MCM3AP: variants seen among roughly 807,000 people sequenced by gnomAD.
MCM3AP encodes minichromosome maintenance complex component 3 associated protein.
In MCM3AP, 126 loss-of-function variants were observed where a neutral mutation model predicts 184.1. The observed-to-expected ratio is 0.68, with a 90% confidence interval of 0.59 to 0.79. The LOEUF (loss-of-function observed/expected upper bound fraction) is 0.79. Ranked by LOEUF, MCM3AP falls within the 30% of genes least tolerant of loss-of-function variation. The pLI is 0.00. For synonymous variants in MCM3AP, 1,002 were observed against 979.3 expected (o/e 1.02, Z -0.43); for missense variants, 2,496 against 2,479.2 (o/e 1.01, Z -0.14).
intron 20 of MCM3AP, 58 bp downstream of exon 20, chr21:46,251,471 T>C: frequency 1.4e-6 from 2 of 1,431,502 alleles, no homozygotes; most frequent in Non-Finnish European, 9.7e-7. Context: ...CAGTGATATC[T>C]GGGAGTAAGT....
intron 19 of MCM3AP, chr21:46,253,880 T>G (rs1423376376): frequency 1.8e-5 from 3 of 167,134 alleles, no homozygotes; most frequent in African/African-American, 7.2e-5. Context: ...GCTGTTCTCA[T>G]TACAGTGAGC....
chr21:46,266,238 C>T lies in MCM3AP; in HGVS notation c.2790-72G>A, dbSNP rs2839182. On this transcript the variant is annotated intron_variant, in intron 10 of 27. Transcript: ENST00000291688. ...GACAGCTTCGCCCTCAGTGCCCTGC[C>T]GAGTACTGCAAGCCCCTTGGGTGTC... is the stretch of plus-strand genomic sequence containing the variant. 1,281,632 of 1,507,694 alleles carry T rather than the reference C, an allele frequency of 0.85. 550,606 individuals carry two copies. The highest frequency in any genetic ancestry group is 0.93 in the African/African-American group (67,917 of 72,692). 93.4% of individuals were successfully genotyped at this position (1,507,694 alleles called of 1,614,324 possible).
intron 9 of MCM3AP, among the ~76,000 whole-genome samples, chr21:46,269,772 C>T (rs571366788): frequency 1.3e-5 from 2 of 152,350 alleles, no homozygotes; most frequent in African/African-American, 4.8e-5. Flanking sequence ...CGGTGGGCCG[C>T]GGTCCTGGTC....
chr21:46,252,500 A>T (rs1296365346), intron 19 of MCM3AP: 1 of 151,644 alleles, frequency 6.6e-6, no homozygotes, highest in Non-Finnish European at 1.5e-5. Context: ...CAGCCTGGGC[A>T]ACATCACAAA....
rs1476034543 is a variant in MCM3AP, at chr21:46,266,012, T to G, written c.2944A>C (p.Ser982Arg). 1 of 1,610,072 alleles carries G rather than the reference T, an allele frequency of 6.2e-7. No homozygotes were observed. The highest frequency in any genetic ancestry group is 8.5e-7 in the Non-Finnish European group (1 of 1,178,078). ...ATGTACTTGTTCTGGGAGTTGAAGC[T>G]GCACACAGGGGTATGACGAGGGACG... ...PPVPRHTPVC[S>R]FNSQNKYIGE... Residue 982 changes from serine to arginine, a missense_variant, in exon 11 of 28, where the codon AGC becomes CGC. Coordinates refer to ENST00000291688, the MANE Select transcript of MCM3AP (RefSeq NM_003906.5).
Position 46,246,681 on chromosome 21 carries a change from AC to A in MCM3AP, c.4495del (p.Val1499TrpfsTer16). 1 of 1,614,196 alleles carries A rather than the reference AC, an allele frequency of 6.2e-7. No homozygotes were observed. The highest frequency in any genetic ancestry group is 8.5e-7 in the Non-Finnish European group (1 of 1,180,020). ...CCCTCCTGGGCTAGGCACAAGAACCACCAGAGGAAGCGCAGGCTGGAAGGGC... is the reference window on the plus strand; with the variant it reads ...CCCTCCTGGGCTAGGCACAAGAACCACAGAGGAAGCGCAGGCTGGAAGGGC... ...AKPFQPALPL[V>X]VLVPSPGGDA... On this transcript the variant is annotated frameshift_variant, in exon 21 of 28. Coordinates refer to ENST00000291688, the MANE Select transcript of MCM3AP (RefSeq NM_003906.5). LOFTEE classifies it high-confidence loss of function.
intron 13 of MCM3AP, among the ~76,000 whole-genome samples, chr21:46,261,846 T>C (rs1040809625): frequency 2.0e-5 from 3 of 151,864 alleles, no homozygotes; most frequent in Non-Finnish European, 4.4e-5. Flanking sequence ...TCCAAAATGC[T>C]CCAAAATCTC....
At chr21:46,239,226 C>T (rs1893110362) in intron 26 of MCM3AP, among the ~76,000 whole-genome samples, 1 of 152,182 alleles carries the variant, frequency 6.6e-6, no homozygotes, top group Non-Finnish European at 1.5e-5. Context: ...CAAAGTTTGC[C>T]TTTGATTGCA....
intron 6 of MCM3AP, among the ~76,000 whole-genome samples, 166 bp downstream of exon 6, chr21:46,275,015 AGGTAC>A (rs1297699541): frequency 1.3e-5 from 2 of 152,024 alleles, no homozygotes; most frequent in Non-Finnish European, 2.9e-5. Flanking sequence ...TATCATGTAT[AGGTAC>A]CAATTACAGA....
chr21:46,237,415 A>T (rs542978693), intron 26 of MCM3AP, among the ~76,000 whole-genome samples: 12 of 143,404 alleles, frequency 8.4e-5, no homozygotes, highest in South Asian at 4.4e-4. Flanking sequence ...TTTTATTATT[A>T]TTTTTTTTTG....
intron 27 of MCM3AP, 107 bp from the exon 28 acceptor site, chr21:46,235,533 G>A: frequency 1.1e-6 from 1 of 917,952 alleles, no homozygotes; most frequent in South Asian, 1.6e-5. Flanking sequence ...CATCTGAGTA[G>A]TCATTTATTT....
chr21:46,240,487 G>A (rs2080641458), intron 26 of MCM3AP, among the ~76,000 whole-genome samples: 1 of 152,194 alleles, frequency 6.6e-6, no homozygotes, highest in Non-Finnish European at 1.5e-5. Flanking sequence ...AGGGCAGGGT[G>A]CCTGTGGCCA....
chr21:46,244,919 C>T lies in MCM3AP; in HGVS notation c.4926G>A (p.Gly1642=). The T allele has an allele frequency of 6.2e-7, 1 of 1,614,200 alleles. No homozygotes were observed. The highest frequency in any genetic ancestry group is 8.5e-7 in the Non-Finnish European group (1 of 1,180,022). ...GCAGGTGAGGAAGCAGCCGGCTGCC[C>T]CCTGCCTCAGCAAACTCAGTGACAG... ...SWPVTEFAEA[G]GSRLLPHLHW... is the part of the protein sequence containing the mutation. The change falls in exon 23 of 28, where the codon GGG becomes GGA. Residue 1642 remains glycine, a synonymous_variant. Coordinates refer to ENST00000291688, the MANE Select transcript of MCM3AP (RefSeq NM_003906.5).
At chr21:46,248,741 G>C (rs2080819005) in intron 20 of MCM3AP, among the ~76,000 whole-genome samples, 1 of 152,016 alleles carries the variant, frequency 6.6e-6, no homozygotes, top group African/African-American at 2.4e-5. Flanking sequence ...AAAAAGTCAT[G>C]ATAAAAAGAA....
At chr21:46,283,423 A>G (rs965087683) in intron 2 of MCM3AP, among the ~76,000 whole-genome samples, 192 bp downstream of exon 2, 12 of 152,196 alleles carry the variant, frequency 7.9e-5, no homozygotes, top group African/African-American at 2.4e-4. Flanking sequence ...CTAGAGTACT[A>G]TATTCTGTAG....
chr21:46,264,010 G>A, intron 13 of MCM3AP, 107 bp downstream of exon 13: 1 of 656,526 alleles, frequency 1.5e-6, no homozygotes, highest in Non-Finnish European at 2.7e-6. Flanking sequence ...TAACTTATTG[G>A]ATTATGACTC....
chr21:46,251,096 A>C (rs2080860668), intron 20 of MCM3AP: 1 of 152,698 alleles, frequency 6.5e-6, no homozygotes, highest in Non-Finnish European at 1.5e-5. Context: ...TAACAGCAGC[A>C]GTAAACTAAT....
At chr21:46,264,321 G>A in intron 12 of MCM3AP, 104 bp from the exon 13 acceptor site, 1 of 686,318 alleles carries the variant, frequency 1.5e-6, no homozygotes, top group Non-Finnish European at 2.5e-6. Flanking sequence ...CGTGACAGAA[G>A]CACAACCCCT....
Position 46,256,973 on chromosome 21 carries a change from C to T in MCM3AP, c.3748G>A (p.Val1250Ile). 6.2e-7 allele frequency: 1 copy of T among 1,611,374 alleles called. No individual in the cohort carries two copies. Among genetic ancestry groups the T allele is most frequent in the Non-Finnish European group, 8.5e-7 (1 of 1,178,514 alleles). ...CKYLQRWREAVTARKKLRRQM... is the reference protein window; with the variant it reads ...CKYLQRWREAITARKKLRRQM... Reference sequence around the variant, plus strand: ...CGCCTCAGTTTCTTGCGGGCTGTGACAGCTTCCCTCCACCTGGGGACATGA... The same window carrying T: ...CGCCTCAGTTTCTTGCGGGCTGTGATAGCTTCCCTCCACCTGGGGACATGA... Residue 1250 changes from valine to isoleucine, a missense_variant, in exon 17 of 28, where the codon GTC (valine) becomes ATC (isoleucine). Physicochemically the swap from Val to Ile is conservative, Grantham distance 29. This residue lies in a region of MCM3AP where 1,323 missense variants were observed against 1,273.4 expected (regional missense o/e 1.04). Coordinates refer to ENST00000291688, the MANE Select transcript of MCM3AP (RefSeq NM_003906.5).
Sources: gnomAD v4.1 joint callset for allele counts (sites outside exome capture counted in the v4.1 genomes callset) on GRCh38, gnomAD v4.1.1 for gene constraint, gnomAD v4.1.1 regional missense constraint, MANE v1.5 for transcripts, NCBI Gene and HGNC (gene_info 2026-07-23, HGNC 2026-07-21) for gene names.